EML1: variants seen among roughly 807,000 people sequenced by gnomAD.
EML1 encodes echinoderm microtubule-associated protein-like 1.
Under a neutral mutation model 110.4 loss-of-function variants are expected in EML1, and 27 were observed. The observed-to-expected ratio is 0.24, with a 90% CI of 0.18 to 0.34. EML1 has a LOEUF of 0.34. Ranked by LOEUF, EML1 falls within the 10% of genes least tolerant of loss-of-function variation. The pLI is 1.00. For synonymous variants in EML1, 344 were observed against 385.8 expected (o/e 0.89, Z 1.27); for missense variants, 741 against 1,030.9 (o/e 0.72, Z 3.85).
intron 17 of EML1, among the ~76,000 whole-genome samples, chr14:99,922,164 ATTTT>A (rs879605225): frequency 6.8e-6 from 1 of 147,354 alleles, no homozygotes; most frequent in African/African-American, 2.5e-5. Flanking sequence ...TTAATGATGG[ATTTT>A]TTTTTTTTGA....
At chr14:99,833,624 G>A (rs1254961285) in intron 1 of EML1, among the ~76,000 whole-genome samples, 2 of 152,184 alleles carry the variant, frequency 1.3e-5, no homozygotes, top group African/African-American at 4.8e-5. Context: ...CCAACCCACA[G>A]ACACGGTATA....
chr14:99,760,083 CAAAAAAAAAAA>C lies in EML1; in HGVS notation c.28+22243_28+22253del, dbSNP rs61619098. ...GGGCAACAAGAGCTAGACTCCCTCT[CAAAAAAAAAAA>C]AAAAAAAAAAAAAAAAAAAGAGCTA... On this transcript the variant is annotated intron_variant, in intron 1 of 10. Coordinates refer to the EML1 transcript ENST00000554479. Among the ~76,000 whole-genome samples the C allele has an allele frequency of 1.9e-4, 9 of 47,146 alleles. 1 individual carries two copies. In the South Asian group the frequency reaches 8.0e-3, roughly 42 times the overall value. 30.9% of individuals were successfully genotyped at this position (47,146 alleles called of 152,430 possible). A position where few individuals can be genotyped will look rare whatever the true frequency, so the allele number is the denominator to read the frequency against.
At chr14:99,865,733 G>C (rs2059086646) in intron 3 of EML1, 87 bp downstream of exon 3, 28 of 1,470,592 alleles carry the variant, frequency 1.9e-5, no homozygotes, top group Non-Finnish European at 2.5e-5. Context: ...AAATGACATT[G>C]TACAATTTCT....
intron 1 of EML1, among the ~76,000 whole-genome samples, chr14:99,742,148 G>A (rs1251473784): frequency 6.6e-6 from 1 of 152,200 alleles, no homozygotes; most frequent in East Asian, 1.9e-4. Context: ...GAAGGGCTGG[G>A]CCTGCCTGGG....
At chr14:99,930,179 G>A (rs1157541679) in intron 17 of EML1, among the ~76,000 whole-genome samples, 5 of 152,240 alleles carry the variant, frequency 3.3e-5, no homozygotes, top group African/African-American at 7.2e-5. Context: ...AACTGTGCAG[G>A]GGTGCGGGTC....
intron 3 of EML1, among the ~76,000 whole-genome samples, chr14:99,877,689 G>A (rs1440134147): frequency 6.6e-6 from 1 of 152,152 alleles, no homozygotes; most frequent in African/African-American, 2.4e-5. Flanking sequence ...TACTCGTGAC[G>A]TCCTGTTAGC....
At chr14:99,821,624 A>T (rs2058264351) in intron 1 of EML1, among the ~76,000 whole-genome samples, 1 of 152,204 alleles carries the variant, frequency 6.6e-6, no homozygotes. Flanking sequence ...ATCTTTTGAC[A>T]TCCAGGGCTC....
chr14:99,840,776 C>G (rs1951570), intron 1 of EML1, among the ~76,000 whole-genome samples: 137,213 of 152,298 alleles, frequency 0.9, 61,867 homozygotes, highest in East Asian at 1. Context: ...TCCCTGGATA[C>G]TGAGATAATC....
chr14:99,897,241 C>T lies in EML1; in HGVS notation c.774C>T (p.Asn258=), dbSNP rs765931165. The T allele has an allele frequency of 6.2e-6, 10 of 1,612,736 alleles. No individual in the cohort carries two copies. In the African/African-American group the frequency reaches 6.7e-5, roughly 11 times the overall value. ...YFIASVVVLY[N]VEEQLQRHYA... is the part of the protein sequence containing the mutation. ...TCGCATCCGTGGTGGTGTTATACAACGTGGAGGAGCAACTGCAGAGGCATT... is the reference window on the plus strand; with the variant it reads ...TCGCATCCGTGGTGGTGTTATACAATGTGGAGGAGCAACTGCAGAGGCATT... Residue 258 remains asparagine, a synonymous_variant, in exon 7 of 22, where the codon AAC becomes AAT. Transcript: ENST00000262233.
At chr14:99,937,562 G>A (rs548382068) in intron 19 of EML1, among the ~76,000 whole-genome samples, 2 of 152,292 alleles carry the variant, frequency 1.3e-5, no homozygotes, top group African/African-American at 2.4e-5. Flanking sequence ...AAGCCAGACT[G>A]TGGGAAACAG....
At chr14:99,793,363 A>ACAGCAGGGCCGGCCC, upstream of EML1, 3 of 988,952 alleles carry the variant, frequency 3.0e-6, no homozygotes, top group Middle Eastern at 5.1e-4. Flanking sequence ...AGCAGCCGCC[A>ACAGCAGGGCCGGCCC]CAGCAGGGCC....
chr14:99,739,119 AGTGTGTGTGT>A (rs71113220), intron 1 of EML1, among the ~76,000 whole-genome samples: 63,802 of 134,642 alleles, frequency 0.47, 15,822 homozygotes, highest in Middle Eastern at 0.6. Context: ...AGAGAGAGAG[AGTGTGTGTGT>A]GTGTGTGTGT....
In EML1 at chr14:99,904,873, C is replaced by G. The variant is rs565277411; in HGVS notation, c.1009-2765C>G. 2.0e-5 allele frequency among the ~76,000 whole-genome samples: 3 copies of G among 152,318 alleles called. No homozygotes were observed. The East Asian group carries it at 5.8e-4, about 29-fold the overall frequency. On this transcript the variant is annotated intron_variant, in intron 9 of 21. Transcript: ENST00000262233. Reference sequence around the variant, plus strand: ...ATAGGGTCCTAGGCCCACATTCTATCCTATGGTACCCCTCTTTATGACAGA... The same window carrying G: ...ATAGGGTCCTAGGCCCACATTCTATGCTATGGTACCCCTCTTTATGACAGA...
In EML1 at chr14:99,778,915, A is replaced by C. The variant is rs116619207; in HGVS notation, c.-27+4902A>C. ...CTAGAAGCTTTTTGAATGTTTTCCT[A>C]TCCCCAGTGTTCTAAAACATCTGGT... On this transcript the variant is annotated intron_variant, in intron 1 of 22. Transcript: ENST00000327921. 3.7e-3 allele frequency among the ~76,000 whole-genome samples: 566 copies of C among 152,234 alleles called. 4 individuals are homozygous for C. The highest frequency in any genetic ancestry group is 0.012 in the African/African-American group (490 of 41,542).
At chr14:99,741,423 A>G (rs533986328) in intron 1 of EML1, among the ~76,000 whole-genome samples, 2 of 151,828 alleles carry the variant, frequency 1.3e-5, no homozygotes, top group Admixed American at 1.3e-4. Flanking sequence ...GATTCTCACC[A>G]AGACATTCAG....
intron 5 of EML1, among the ~76,000 whole-genome samples, chr14:99,893,557 C>T (rs1566922645): frequency 6.6e-6 from 1 of 152,202 alleles, no homozygotes; most frequent in African/African-American, 2.4e-5. Context: ...GGGGTGCCCT[C>T]TTGATTTTTA....
upstream of EML1, among the ~76,000 whole-genome samples, chr14:99,772,558 C>T (rs1394193667): frequency 6.6e-6 from 1 of 152,186 alleles, no homozygotes; most frequent in African/African-American, 2.4e-5. Flanking sequence ...TTGGACATTG[C>T]TCCAAAACCT....
intron 2 of EML1, among the ~76,000 whole-genome samples, chr14:99,851,543 G>A (rs1171558354): frequency 6.6e-6 from 1 of 152,034 alleles, no homozygotes; most frequent in Admixed American, 6.6e-5. Context: ...TCCTGACCTC[G>A]TGATCCGCCC....
chr14:99,853,641 A>G (rs533836806), intron 2 of EML1, among the ~76,000 whole-genome samples: 2 of 152,290 alleles, frequency 1.3e-5, no homozygotes, highest in African/African-American at 2.4e-5. Flanking sequence ...CCATGCTCAT[A>G]TAGACTTGAA....
Sources: allele counts gnomAD v4.1 joint callset (sites outside exome capture counted in the v4.1 genomes callset), GRCh38; gene constraint gnomAD v4.1.1; transcripts MANE v1.5; gene names NCBI Gene and HGNC (gene_info 2026-07-23, HGNC 2026-07-21).